Variants in ABCA4 observed in about 807,000 individuals in gnomAD.
ABCA4 encodes ATP binding cassette subfamily A member 4, also known as retinal-specific phospholipid-transporting ATPase ABCA4.
In ABCA4, 196 loss-of-function variants were observed where a neutral mutation model predicts 263.7. That is an observed-to-expected ratio of 0.74 (90% confidence interval 0.66 to 0.84). The LOEUF is 0.84. ABCA4 is among the 40% of genes least tolerant of loss of function. ABCA4 has a pLI of 0.00. For missense variants in ABCA4, 2,792 were observed against 2,855.1 expected (o/e 0.98, Z 0.50); for synonymous variants, 1,133 against 1,094.2 (o/e 1.04, Z -0.70).
intron 1 of ABCA4, among the ~76,000 whole-genome samples, chr1:94,116,106 T>C (rs1221840794): frequency 6.6e-6 from 1 of 152,210 alleles, no homozygotes; most frequent in African/African-American, 2.4e-5. Flanking sequence ...CTTGTATTTT[T>C]GAAGAATCTG....
At chr1:94,013,636 C>A (rs77118661) in intron 38 of ABCA4, among the ~76,000 whole-genome samples, 3 of 151,134 alleles carry the variant, frequency 2.0e-5, no homozygotes, top group Non-Finnish European at 2.9e-5. Context: ...AGCCCTGCAG[C>A]GACTGCCTTC....
At chr1:94,030,173 T>C (rs948399418) in intron 29 of ABCA4, among the ~76,000 whole-genome samples, 2 of 152,208 alleles carry the variant, frequency 1.3e-5, no homozygotes, top group Non-Finnish European at 2.9e-5. Flanking sequence ...TGGGGAATCA[T>C]CTGTCAACTC....
Position 94,055,169 on chromosome 1 carries a change from C to T in ABCA4, c.2529G>A (p.Met843Ile), listed in dbSNP as rs1660938718. ...EFSFLLSMQM[M>I]LLDAAVYGLL... ...AGCCATAGACAGCAGCATCAAGGAG[C>T]ATCATCTGCATGGACAGCAGGAAGC... is the stretch of plus-strand genomic sequence containing the variant. The change falls in exon 16 of 50, where the codon ATG (methionine) becomes ATA (isoleucine). Residue 843 changes from methionine to isoleucine, a missense_variant. Met to Ile is a conservative substitution (Grantham distance 10). Coordinates refer to ENST00000370225, the MANE Select transcript of ABCA4 (RefSeq NM_000350.3). 1.2e-6 allele frequency: 2 copies of T among 1,614,132 alleles called. No homozygotes were observed. Among genetic ancestry groups the T allele is most frequent in the Non-Finnish European group, 1.7e-6 (2 of 1,180,030 alleles).
Position 94,078,643 on chromosome 1 carries a change from C to G in ABCA4, c.1303G>C (p.Gly435Arg). 6.2e-7 allele frequency: 1 copy of G among 1,612,048 alleles called. No individual in the cohort carries two copies. The highest frequency in any genetic ancestry group is 8.5e-7 in the Non-Finnish European group (1 of 1,179,002). ...RKLVKAWEEV[G>R]PQIWYFFDNS... ...TCAAAGAAGTACCAGATCTGGGGCC[C>G]TACTTCTTCCCAGGCTTTGACCAAC... is the stretch of plus-strand genomic sequence containing the variant. Residue 435 changes from glycine to arginine, a missense_variant, in exon 10 of 50, where the codon GGG (glycine) becomes CGG (arginine). Coordinates refer to ENST00000370225, the MANE Select transcript of ABCA4 (RefSeq NM_000350.3).
intron 49 of ABCA4, among the ~76,000 whole-genome samples, 168 bp downstream of exon 49, chr1:93,995,941 C>G (rs977514215): frequency 3.9e-5 from 6 of 152,298 alleles, no homozygotes; most frequent in Middle Eastern, 3.4e-3. Context: ...AGGGACTTAG[C>G]AAGGATGTGA....
chr1:94,082,085 A>G (rs114798312), intron 7 of ABCA4, among the ~76,000 whole-genome samples: 1 of 152,280 alleles, frequency 6.6e-6, no homozygotes, highest in Non-Finnish European at 1.5e-5. Context: ...TGATGAGCCC[A>G]GGGAGAATCC....
intron 13 of ABCA4, among the ~76,000 whole-genome samples, chr1:94,061,206 C>T (rs74102100): frequency 1.3e-3 from 196 of 152,244 alleles, no homozygotes; most frequent in African/African-American, 4.2e-3. Flanking sequence ...AGGGGTCAGC[C>T]GCCCCAGCAC....
chr1:94,100,947 A>T (rs1557804556), intron 5 of ABCA4, among the ~76,000 whole-genome samples: 1 of 152,246 alleles, frequency 6.6e-6, no homozygotes. Context: ...AGGTGAGCCC[A>T]CAAGGCAAAG....
At chr1:94,009,018 G>T (rs1659477033) in intron 40 of ABCA4, 147 bp from the exon 41 acceptor site, 1 of 1,159,458 alleles carries the variant, frequency 8.6e-7, no homozygotes, top group Non-Finnish European at 1.2e-6. Context: ...AGGGCTCCCA[G>T]CAGGAGAGGC....
chr1:94,037,822 G>T (rs1301596178), intron 24 of ABCA4, among the ~76,000 whole-genome samples: 1 of 152,186 alleles, frequency 6.6e-6, no homozygotes, highest in Non-Finnish European at 1.5e-5. Flanking sequence ...GCACATAGGT[G>T]AGTGCTGGCT....
chr1:94,056,277 C>T (rs1660975114), intron 15 of ABCA4, among the ~76,000 whole-genome samples: 1 of 152,192 alleles, frequency 6.6e-6, no homozygotes, highest in Non-Finnish European at 1.5e-5. Context: ...TGATTCTTCT[C>T]AAAGAGTAGG....
chr1:94,076,471 T>C (rs957491108), intron 11 of ABCA4, among the ~76,000 whole-genome samples: 1 of 152,200 alleles, frequency 6.6e-6, no homozygotes, highest in African/African-American at 2.4e-5. Context: ...TGCTTTCTTT[T>C]TGGTTAAGCA....
intron 11 of ABCA4, among the ~76,000 whole-genome samples, chr1:94,064,165 G>A (rs1410027120): frequency 6.6e-6 from 1 of 152,176 alleles, no homozygotes; most frequent in Non-Finnish European, 1.5e-5. Context: ...TGATTAAGTT[G>A]TTCCCTGAAT....
In ABCA4 at chr1:94,015,843, G is replaced by C; in HGVS notation, c.5208C>G (p.Ser1736=). Residue 1736 remains serine, a synonymous_variant, in exon 37 of 50, where the codon TCC becomes TCG. Transcript: ENST00000370225. ...TNFLWDIMNY[S]VSAGLVVGIF... is the part of the protein sequence containing the mutation. Reference sequence around the variant, plus strand: ...TGCCCACCACCAGCCCAGCACTCACGGAATAATTCATCTCGGAAAGAGAAG... The same window carrying C: ...TGCCCACCACCAGCCCAGCACTCACCGAATAATTCATCTCGGAAAGAGAAG... 6.2e-7 allele frequency: 1 copy of C among 1,613,392 alleles called. No individual in the cohort carries two copies. Among genetic ancestry groups the C allele is most frequent in the Admixed American group, 1.7e-5 (1 of 59,948 alleles).
In ABCA4 at chr1:94,041,413, G is replaced by A. The variant is rs367580653; in HGVS notation, c.3329-11C>T. 6.9e-5 allele frequency: 111 copies of A among 1,613,294 alleles called. 4 individuals are homozygous for A. The highest frequency in any genetic ancestry group is 6.5e-4 in the East Asian group (29 of 44,860). Reference sequence around the variant, plus strand: ...TGATGATGGTTCTGCCTGCAAGGTAGGGGCCAGGGCAATCACCAGGCCTGC... The same window carrying A: ...TGATGATGGTTCTGCCTGCAAGGTAAGGGCCAGGGCAATCACCAGGCCTGC... On this transcript the variant is annotated splice_polypyrimidine_tract_variant and intron_variant, in intron 22 of 49. Coordinates refer to ENST00000370225, the MANE Select transcript of ABCA4 (RefSeq NM_000350.3).
At chr1:94,004,694 T>C (rs1348969118) in intron 44 of ABCA4, among the ~76,000 whole-genome samples, 1 of 152,216 alleles carries the variant, frequency 6.6e-6, no homozygotes, top group Non-Finnish European at 1.5e-5. Flanking sequence ...TTTTTGAATA[T>C]GTGGAACATT....
At chr1:94,098,529 G>A (rs183573033) in intron 6 of ABCA4, among the ~76,000 whole-genome samples, 1 of 152,178 alleles carries the variant, frequency 6.6e-6, no homozygotes, top group African/African-American at 2.4e-5. Context: ...GTTAGAGGAG[G>A]TAAAGGGGAT....
chr1:94,071,655 G>A (rs1661401680), intron 11 of ABCA4, among the ~76,000 whole-genome samples: 2 of 152,222 alleles, frequency 1.3e-5, no homozygotes, highest in Non-Finnish European at 2.9e-5. Flanking sequence ...ACAGTGCCCA[G>A]CATGTGGCTG....
At chr1:94,007,806 GGTAA>G in intron 42 of ABCA4, 66 bp from the exon 43 acceptor site, 4 of 1,458,238 alleles carry the variant, frequency 2.7e-6, no homozygotes, top group Non-Finnish European at 3.8e-6. Context: ...CAGGCCCCAG[GGTAA>G]GTGTGTGTGT....
Sources: gnomAD v4.1 joint callset for allele counts (sites outside exome capture counted in the v4.1 genomes callset) on GRCh38, gnomAD v4.1.1 for gene constraint, MANE v1.5 for transcripts, NCBI Gene and HGNC (gene_info 2026-07-23, HGNC 2026-07-21) for gene names.